FGF14: variants seen among roughly 807,000 people sequenced by gnomAD.
FGF14 encodes fibroblast growth factor homologous factor 4.
In FGF14, 5 loss-of-function variants were observed where a neutral mutation model predicts 25.5. That is an observed-to-expected ratio of 0.20 (90% CI 0.10 to 0.41). FGF14 has a LOEUF of 0.41. Ranked by LOEUF, FGF14 falls within the 10% of genes least tolerant of loss-of-function variation. FGF14 has a pLI of 1.00. For synonymous variants in FGF14, 138 were observed against 118.3 expected (o/e 1.17, Z -1.08); for missense variants, 222 against 320.1 (o/e 0.69, Z 2.34).
rs547525036 is a variant in FGF14, at chr13:102,244,952, A to G, written c.208+156519T>C. The stretch of plus-strand genomic sequence containing the variant: ...CAATAAGGTAGTAGAAAAAACATCA[A>G]TTTATTCTTATAACATGAAATATGG... On this transcript the variant is annotated intron_variant, in intron 1 of 4. Coordinates refer to the FGF14 transcript ENST00000376131. Among the ~76,000 whole-genome samples, 13 of 152,246 alleles carry G rather than the reference A, an allele frequency of 8.5e-5. No homozygotes were observed. In the South Asian group the frequency reaches 2.7e-3, roughly 32 times the overall value.
intron 3 of FGF14, among the ~76,000 whole-genome samples, chr13:101,807,708 T>C (rs534476713): frequency 5.9e-5 from 9 of 152,156 alleles, no homozygotes; most frequent in African/African-American, 1.7e-4. Flanking sequence ...TTAATCTATA[T>C]CACTTCGAAA....
intron 1 of FGF14, among the ~76,000 whole-genome samples, chr13:101,912,986 CTTAA>C (rs1408001028): frequency 1.3e-5 from 2 of 151,976 alleles, no homozygotes; most frequent in African/African-American, 2.4e-5. Context: ...AATATGTATA[CTTAA>C]TTAATTATTA....
chr13:102,013,370 TAC>T (rs1245434135), intron 1 of FGF14, among the ~76,000 whole-genome samples: 2 of 152,162 alleles, frequency 1.3e-5, no homozygotes, highest in Non-Finnish European at 2.9e-5. Context: ...ATGTTAAAAA[TAC>T]AGATATTTTA....
chr13:101,918,682 A>T (rs560765495), upstream of FGF14, among the ~76,000 whole-genome samples: 22 of 152,354 alleles, frequency 1.4e-4, no homozygotes, highest in South Asian at 4.4e-3. Context: ...TCTCCATGGA[A>T]GCAGCCACTG....
At chr13:102,005,980 C>G (rs1312923569) in intron 1 of FGF14, among the ~76,000 whole-genome samples, 3 of 152,164 alleles carry the variant, frequency 2.0e-5, no homozygotes, top group Non-Finnish European at 4.4e-5. Flanking sequence ...AATACAACCA[C>G]CACTCTTACT....
intron 1 of FGF14, among the ~76,000 whole-genome samples, chr13:102,347,781 C>G (rs769564936): frequency 6.6e-6 from 1 of 152,078 alleles, no homozygotes; most frequent in Non-Finnish European, 1.5e-5. Flanking sequence ...AGGAAACAGT[C>G]TACTTTTAAC....
chr13:102,395,298 G>A (rs2058553231), intron 1 of FGF14: 1 of 152,118 alleles, frequency 6.6e-6, no homozygotes, highest in South Asian at 2.1e-4. Context: ...GAAAATGAAG[G>A]GTCTGGCAAC....
intron 1 of FGF14, among the ~76,000 whole-genome samples, chr13:102,317,689 T>C (rs2056085787): frequency 6.6e-6 from 1 of 152,174 alleles, no homozygotes; most frequent in Non-Finnish European, 1.5e-5. Context: ...CCCTCAGTCC[T>C]GGACAGGACC....
chr13:102,208,908 T>C (rs2050050179), intron 1 of FGF14, among the ~76,000 whole-genome samples: 3 of 152,244 alleles, frequency 2.0e-5, no homozygotes, highest in South Asian at 4.1e-4. Flanking sequence ...ATATATGAAA[T>C]AGGCTCGTTG....
At chr13:101,850,972 T>A (rs1485273677) in intron 3 of FGF14, among the ~76,000 whole-genome samples, 2 of 152,034 alleles carry the variant, frequency 1.3e-5, no homozygotes, top group Non-Finnish European at 2.9e-5. Flanking sequence ...ATGCGCATTA[T>A]GGATTGAACT....
At chr13:102,028,101 C>A (rs771440419) in intron 1 of FGF14, among the ~76,000 whole-genome samples, 1 of 152,010 alleles carries the variant, frequency 6.6e-6, no homozygotes, top group East Asian at 1.9e-4. Flanking sequence ...TGTTAGAAAA[C>A]CCCATAAGAA....
intron 1 of FGF14, among the ~76,000 whole-genome samples, chr13:102,217,022 T>C (rs1180775998): frequency 6.6e-6 from 1 of 152,196 alleles, no homozygotes; most frequent in Non-Finnish European, 1.5e-5. Context: ...TACTCCACTG[T>C]GTAGATGTAC....
chr13:101,775,869 G>A (rs572298880), intron 3 of FGF14, among the ~76,000 whole-genome samples: 2 of 152,274 alleles, frequency 1.3e-5, no homozygotes, highest in East Asian at 3.9e-4. Flanking sequence ...TTACGCACAT[G>A]AGCTAGAATG....
chr13:102,321,282 C>T (rs1386014290), intron 1 of FGF14, among the ~76,000 whole-genome samples: 1 of 152,066 alleles, frequency 6.6e-6, no homozygotes. Flanking sequence ...GTTTTAATTT[C>T]CATGGTAGTC....
chr13:102,328,614 G>A (rs1217925072), intron 1 of FGF14, among the ~76,000 whole-genome samples: 1 of 152,176 alleles, frequency 6.6e-6, no homozygotes, highest in African/African-American at 2.4e-5. Context: ...AGCACTGCCT[G>A]GTACATTGTG....
chr13:102,330,807 T>C (rs2056612637), intron 1 of FGF14, among the ~76,000 whole-genome samples: 1 of 152,198 alleles, frequency 6.6e-6, no homozygotes, highest in Non-Finnish European at 1.5e-5. Context: ...GTTCCATGCA[T>C]GTATTTATTT....
intron 3 of FGF14, among the ~76,000 whole-genome samples, chr13:101,748,441 A>C (rs1023534433): frequency 1.3e-5 from 2 of 151,920 alleles, no homozygotes; most frequent in Non-Finnish European, 2.9e-5. Flanking sequence ...ATCTGTACAC[A>C]TGGACATACA....
chr13:101,762,921 G>C (rs1370845857), intron 3 of FGF14, among the ~76,000 whole-genome samples: 1 of 152,110 alleles, frequency 6.6e-6, no homozygotes, highest in African/African-American at 2.4e-5. Flanking sequence ...GGCAGGCTCT[G>C]ACACTGCCAT....
chr13:101,973,119 C>CA (rs77590228), intron 1 of FGF14, among the ~76,000 whole-genome samples: 15 of 127,536 alleles, frequency 1.2e-4, no homozygotes, highest in South Asian at 2.5e-4. Context: ...AAGTGTGCTT[C>CA]TTTTTTTTTT....
Sources: gnomAD v4.1 joint callset for allele counts (sites outside exome capture counted in the v4.1 genomes callset) on GRCh38, gnomAD v4.1.1 for gene constraint, MANE v1.5 for transcripts, NCBI Gene and HGNC (gene_info 2026-07-23, HGNC 2026-07-21) for gene names.